The following SEC13 variants were observed in gnomAD, a reference collection of about 807,000 sequenced individuals.
The protein encoded by SEC13 is protein SEC13 homolog.
Under a neutral mutation model 49.2 loss-of-function variants are expected in SEC13, and 25 were observed. The observed-to-expected ratio is 0.51, with a 90% confidence interval of 0.37 to 0.71. SEC13 has a LOEUF of 0.71. SEC13 is among the 30% of genes least tolerant of loss of function. The probability of loss-of-function intolerance (pLI) is 0.00; values close to 1 mark genes in which losing one functional copy is unlikely to be tolerated. For missense variants in SEC13, 383 were observed against 417.6 expected, an observed-to-expected ratio of 0.92 and a Z score of 0.72; for synonymous variants, 148 against 163.9, an observed-to-expected ratio of 0.90 and a Z score of 0.74.
intron 1 of SEC13, among the ~76,000 whole-genome samples, chr3:10,319,870 AGAAAGG>A (rs1401192422): frequency 1.6e-4 from 13 of 81,736 alleles, no homozygotes; most frequent in Non-Finnish European, 1.9e-4. Context: ...AGGGCGGGAG[AGAAAGG>A]GAGAGGGAGA....
intron 7 of SEC13, 149 bp from the exon 8 acceptor site, chr3:10,304,321 C>A: frequency 1.4e-6 from 1 of 700,362 alleles, no homozygotes; most frequent in Admixed American, 2.4e-5. Context: ...GGGGCGTCCA[C>A]AGCTTTGTTT....
chr3:10,312,674 AG>A lies in SEC13; in HGVS notation c.220del (p.Leu74TrpfsTer33). ...AWAHPMYGNI[L>X]ASCSYDRKVI... is the part of the protein sequence containing the mutation. ...TTTCCGGTCATAGGAGCACGATGCCAGGATGTTGCCGTACATGGGGTGAGCC... is the reference window on the plus strand; with the variant it reads ...TTTCCGGTCATAGGAGCACGATGCCAGATGTTGCCGTACATGGGGTGAGCC... On this transcript the variant is annotated frameshift_variant, in exon 4 of 9. Transcript: ENST00000350697. LOFTEE classifies it high-confidence loss of function. 1 of 1,614,198 alleles carries A rather than the reference AG, an allele frequency of 6.2e-7. No individual in the cohort carries two copies. The highest frequency in any genetic ancestry group is 8.5e-7 in the Non-Finnish European group (1 of 1,180,020).
chr3:10,307,332 C>A (rs1030837706), intron 5 of SEC13, among the ~76,000 whole-genome samples: 15 of 151,900 alleles, frequency 9.9e-5, no homozygotes, highest in Non-Finnish European at 2.1e-4. Context: ...CCTCAGCCTC[C>A]CGTGTAGCTG....
intron 2 of SEC13, 82 bp downstream of exon 2, chr3:10,317,968 G>C (rs1463759520): frequency 1.2e-5 from 11 of 897,354 alleles, no homozygotes; most frequent in Middle Eastern, 2.3e-4. Context: ...ACAGAAAGGG[G>C]TAATGAAAAC....
At chr3:10,301,951 A>G (rs183915590) in intron 8 of SEC13, among the ~76,000 whole-genome samples, 95 of 152,276 alleles carry the variant, frequency 6.2e-4, no homozygotes, top group African/African-American at 2.3e-3. Flanking sequence ...ATTAAAAAAA[A>G]TCAGTCTAGG....
intron 3 of SEC13, among the ~76,000 whole-genome samples, chr3:10,314,570 T>C (rs1301677798): frequency 1.3e-5 from 2 of 152,202 alleles, no homozygotes; most frequent in Non-Finnish European, 2.9e-5. Context: ...AATGCATTTT[T>C]TTCCCCCTGT....
chr3:10,319,172 C>T (rs373289172), intron 1 of SEC13: 115 of 1,613,392 alleles, frequency 7.1e-5, no homozygotes, highest in Non-Finnish European at 7.9e-5. Context: ...CAGCACAAGC[C>T]CTGTAGGTAT....
At chr3:10,313,246 A>G in intron 3 of SEC13, 2 of 251,956 alleles carry the variant, frequency 7.9e-6, no homozygotes, top group East Asian at 1.6e-4. Context: ...CATTCACCTG[A>G]TAACAGGTGC....
chr3:10,309,126 C>T lies in SEC13; in HGVS notation c.450+2839G>A, dbSNP rs371351966. ...CTAATTTTTGTATTTTTAGTAGAGA[C>T]GGGGTTTCGCCATGTTGGTCAGGCT... On this transcript the variant is annotated intron_variant, in intron 5 of 8. Coordinates refer to ENST00000350697, the MANE Select transcript of SEC13 (RefSeq NM_183352.3). Among the ~76,000 whole-genome samples the T allele has an allele frequency of 3.0e-4, 46 of 151,572 alleles. No homozygotes were observed. In the East Asian group the frequency reaches 3.3e-3, roughly 11 times the overall value.
intron 2 of SEC13, among the ~76,000 whole-genome samples, chr3:10,317,446 T>C (rs1701674406): frequency 6.6e-6 from 1 of 152,220 alleles, no homozygotes; most frequent in Non-Finnish European, 1.5e-5. Flanking sequence ...GTCTGTGTTT[T>C]TCCTGCGGTA....
chr3:10,304,382 G>C (rs1199523407), intron 7 of SEC13, among the ~76,000 whole-genome samples: 3 of 152,142 alleles, frequency 2.0e-5, no homozygotes, highest in Admixed American at 6.5e-5. Flanking sequence ...TCTCATCCGG[G>C]TTTCGGAGGT....
chr3:10,312,550 T>C (rs1363116639), intron 4 of SEC13, 29 bp downstream of exon 4: 1 of 1,612,678 alleles, frequency 6.2e-7, no homozygotes, highest in Non-Finnish European at 8.5e-7. Flanking sequence ...GTGGTCCCCT[T>C]GCCCGCTCTG....
chr3:10,312,073 A>G lies in SEC13; in HGVS notation c.342T>C (p.His114=). 1.2e-6 allele frequency: 2 copies of G among 1,609,650 alleles called. No homozygotes were observed. The highest frequency in any genetic ancestry group is 8.5e-7 in the Non-Finnish European group (1 of 1,177,916). ...CACAGGCCAGGATCAGGCCGTAGTC[A>G]TGGGGGGCCCAGCACACCGAGTTCA... The part of the protein sequence containing the change: ...SSVNSVCWAP[H]DYGLILACGS... Residue 114 remains histidine (H), a synonymous_variant, in exon 5 of 9, where the codon CAT becomes CAC. Transcript: ENST00000350697.
At chr3:10,313,024 A>G in intron 3 of SEC13, 1 of 374,366 alleles carries the variant, frequency 2.7e-6, no homozygotes. Context: ...TGCAGCCAGC[A>G]CTGTCTGTAT....
intron 2 of SEC13, among the ~76,000 whole-genome samples, chr3:10,317,554 A>C (rs899803921): frequency 4.6e-5 from 7 of 151,814 alleles, no homozygotes; most frequent in Non-Finnish European, 7.4e-5. Flanking sequence ...CTTCTGGTTC[A>C]AAGGGCCTTG....
chr3:10,319,590 T>C (rs955436346), intron 1 of SEC13, among the ~76,000 whole-genome samples: 2 of 152,048 alleles, frequency 1.3e-5, no homozygotes, highest in Non-Finnish European at 2.9e-5. Context: ...CTGTCTAGAA[T>C]GTAAAGCAGT....
At chr3:10,319,149 A>T (rs764190975) in intron 1 of SEC13, 2 of 1,611,152 alleles carry the variant, frequency 1.2e-6, no homozygotes, top group South Asian at 2.2e-5. Context: ...CATTTTCCCC[A>T]TTTCATCTTT....
chr3:10,311,675 G>T, intron 5 of SEC13: 2 of 1,303,250 alleles, frequency 1.5e-6, no homozygotes, highest in Non-Finnish European at 2.0e-6. Context: ...CTACTGCAGG[G>T]CATGTCACCT....
chr3:10,312,190 A>G (rs1701313903), intron 4 of SEC13, 92 bp from the exon 5 acceptor site: 5 of 1,477,670 alleles, frequency 3.4e-6, no homozygotes, highest in Admixed American at 4.7e-5. Context: ...CTAAATGTCT[A>G]CAACAAACAA....
Sources: allele counts gnomAD v4.1 joint callset (sites outside exome capture counted in the v4.1 genomes callset), GRCh38; gene constraint gnomAD v4.1.1; transcripts MANE v1.5; gene names NCBI Gene and HGNC (gene_info 2026-07-23, HGNC 2026-07-21).